Variants in SLC5A12 observed in about 807,000 individuals in gnomAD.
SLC5A12 encodes the protein solute carrier family 5 member 12.
A neutral mutation model predicts 72.7 loss-of-function variants in SLC5A12; 46 were observed. That is an observed-to-expected ratio of 0.63 (90% CI 0.50 to 0.81). The LOEUF is 0.81. Ranked by LOEUF, SLC5A12 falls within the 30% of genes least tolerant of loss-of-function variation. SLC5A12 has a pLI of 0.00. For missense variants in SLC5A12, 683 were observed against 740.7 expected (o/e 0.92, Z 0.90); for synonymous variants, 275 against 264.4 (o/e 1.04, Z -0.39).
intron 12 of SLC5A12, 59 bp downstream of exon 12, chr11:26,680,996 T>G: frequency 7.1e-7 from 1 of 1,413,098 alleles, no homozygotes; most frequent in Non-Finnish European, 9.5e-7. Flanking sequence ...AGAGTGCACC[T>G]CCCTCTTACC....
At chr11:26,681,314 G>A (rs746996273) in intron 11 of SLC5A12, 93 bp from the exon 12 acceptor site, 12 of 1,104,988 alleles carry the variant, frequency 1.1e-5, no homozygotes, top group Non-Finnish European at 1.3e-5. Context: ...TAGAGATTCT[G>A]GCTTTCCATC....
intron 8 of SLC5A12, among the ~76,000 whole-genome samples, chr11:26,693,202 GA>G (rs1415576191): frequency 6.6e-6 from 1 of 152,166 alleles, no homozygotes; most frequent in Non-Finnish European, 1.5e-5. Context: ...ATGTAGTTTG[GA>G]AACTTTTTCC....
At chr11:26,672,256 G>A (rs1029950480) in intron 14 of SLC5A12, among the ~76,000 whole-genome samples, 1 of 151,316 alleles carries the variant, frequency 6.6e-6, no homozygotes, top group Non-Finnish European at 1.5e-5. Context: ...CTGTTTTCTG[G>A]AGATAAGAGC....
At chr11:26,678,571 G>A (rs12278745) in intron 13 of SLC5A12, 141 bp downstream of exon 13, 37,362 of 622,660 alleles carry the variant, frequency 0.06, 1,818 homozygotes, top group African/African-American at 0.19. Context: ...GTATGTCAGC[G>A]TTGAGAGAGT....
At chr11:26,692,361 G>A in intron 9 of SLC5A12, 128 bp downstream of exon 9, 1 of 661,582 alleles carries the variant, frequency 1.5e-6, no homozygotes, top group Non-Finnish European at 2.7e-6. Flanking sequence ...TCTATGTGTG[G>A]GATTCTTCAC....
intron 2 of SLC5A12, among the ~76,000 whole-genome samples, chr11:26,711,780 G>A (rs951268276): frequency 6.6e-6 from 1 of 151,998 alleles, no homozygotes. Context: ...GGAATTTAGA[G>A]GTGAGATAGA....
Position 26,703,894 on chromosome 11 carries a change from A to T in SLC5A12, c.579T>A (p.Ile193=). The T allele has an allele frequency of 6.2e-7, 1 of 1,613,938 alleles. No individual in the cohort carries two copies. Among genetic ancestry groups the T allele is most frequent in the East Asian group, 2.2e-5 (1 of 44,854 alleles). Residue 193 remains isoleucine, a synonymous_variant, in exon 5 of 15, where the codon ATT becomes ATA. Coordinates refer to ENST00000396005, the MANE Select transcript of SLC5A12 (RefSeq NM_178498.4). ...GAATGAGAACCGTTAAGAAGCCCAC[A>T]ATCATGACAACCATCTGAAATGCAT... is the stretch of plus-strand genomic sequence containing the variant. ...WTDAFQMVVM[I]VGFLTVLIQG...
chr11:26,671,120 A>T lies in SLC5A12; in HGVS notation c.1839T>A (p.Phe613Leu), dbSNP rs1220840648. 6 of 1,611,898 alleles carry T rather than the reference A, an allele frequency of 3.7e-6. No individual in the cohort carries two copies. Among genetic ancestry groups the T allele is most frequent in the Non-Finnish European group, 5.1e-6 (6 of 1,178,872 alleles). The change falls in exon 15 of 15, where the codon TTT (phenylalanine) becomes TTA (leucine). Residue 613 changes from phenylalanine to leucine, a missense_variant. Transcript: ENST00000396005. ...PKDKSYNNMAFETTHF is the reference protein window; with the variant it reads ...PKDKSYNNMALETTHF ...TATTGCCTTAGAAATGGGTAGTCTC[A>T]AATGCCATATTGTTGTAGCTTTTGT...
intron 1 of SLC5A12, among the ~76,000 whole-genome samples, chr11:26,716,002 T>C (rs944872674): frequency 6.6e-6 from 1 of 152,166 alleles, no homozygotes; most frequent in Non-Finnish European, 1.5e-5. Flanking sequence ...GTATGCTACA[T>C]AGCAATAGAT....
intron 13 of SLC5A12, among the ~76,000 whole-genome samples, chr11:26,677,869 C>T (rs897281440): frequency 6.6e-6 from 1 of 152,050 alleles, no homozygotes; most frequent in African/African-American, 2.4e-5. Context: ...AATAGAATAC[C>T]TTAAAATTTT....
intron 8 of SLC5A12, among the ~76,000 whole-genome samples, chr11:26,695,286 A>C (rs1438078862): frequency 6.6e-6 from 1 of 152,096 alleles, no homozygotes; most frequent in Non-Finnish European, 1.5e-5. Flanking sequence ...AGAATATAGA[A>C]TGTAATAAAA....
chr11:26,707,991 TAC>T (rs1254010418), intron 4 of SLC5A12, among the ~76,000 whole-genome samples: 1 of 152,004 alleles, frequency 6.6e-6, no homozygotes. Flanking sequence ...TCAGTTTCCC[TAC>T]ATTTTCACTG....
At chr11:26,680,273 T>C in intron 12 of SLC5A12, among the ~76,000 whole-genome samples, 1 of 84,482 alleles carries the variant, frequency 1.2e-5, no homozygotes, top group African/African-American at 3.8e-5. Flanking sequence ...AAGTCACGTG[T>C]AGTGCTACTT....
At chr11:26,723,113 AT>A (rs775049721), upstream of SLC5A12, among the ~76,000 whole-genome samples, 5 of 152,148 alleles carry the variant, frequency 3.3e-5, no homozygotes, top group East Asian at 1.9e-4. Context: ...AATAAAAAAA[AT>A]AATTTTTAGA....
In SLC5A12 at chr11:26,678,713, T is replaced by A; in HGVS notation, c.1578A>T (p.Thr526=). Residue 526 remains threonine (T), a splice_region_variant and synonymous_variant, in exon 13 of 15, where the codon ACA becomes ACT. Transcript: ENST00000396005. ...CCAAAGGGAGGAATTATAACCAACC[T>A]GTTATGAGGCTGATGATTACTCCAG... ...IVAGVIISLI[T]GRQRGEDIQP... 6.2e-7 allele frequency: 1 copy of A among 1,610,280 alleles called. No homozygotes were observed. The highest frequency in any genetic ancestry group is 1.1e-5 in the South Asian group (1 of 90,824).
chr11:26,674,742 C>A (rs1460484872), intron 13 of SLC5A12, among the ~76,000 whole-genome samples: 1 of 152,102 alleles, frequency 6.6e-6, no homozygotes, highest in Non-Finnish European at 1.5e-5. Context: ...GAGGCTTAAG[C>A]AATCTATTCC....
At chr11:26,681,797 C>T (rs1173924957) in intron 11 of SLC5A12, among the ~76,000 whole-genome samples, 1 of 152,034 alleles carries the variant, frequency 6.6e-6, no homozygotes, top group African/African-American at 2.4e-5. Flanking sequence ...GGAGGCAGAA[C>T]AATCTAGCAG....
At chr11:26,677,794 C>T (rs914028785) in intron 13 of SLC5A12, among the ~76,000 whole-genome samples, 1 of 152,098 alleles carries the variant, frequency 6.6e-6, no homozygotes, top group African/African-American at 2.4e-5. Flanking sequence ...GAAATGTTGC[C>T]ATTCAGGTTT....
chr11:26,668,859 T>C lies in SLC5A12; in HGVS notation c.*2243A>G, dbSNP rs1455073912. ...CATTTTGATAACACTCCAGGTAAGATAATTAGGGACTATAAAAGAAGAAAC... is the reference window on the plus strand; with the variant it reads ...CATTTTGATAACACTCCAGGTAAGACAATTAGGGACTATAAAAGAAGAAAC... On this transcript the variant is annotated 3_prime_UTR_variant, in exon 15 of 15. Transcript: ENST00000396005. The C allele has an allele frequency of 6.6e-6, 1 of 151,998 alleles. No homozygotes were observed. The highest frequency in any genetic ancestry group is 1.5e-5 in the Non-Finnish European group (1 of 67,974). The allele number at this position is 151,998 out of a possible 1,614,324, so 9.4% of individuals were successfully genotyped here.
Sources: gnomAD v4.1 joint callset for allele counts (sites outside exome capture counted in the v4.1 genomes callset) on GRCh38, gnomAD v4.1.1 for gene constraint, MANE v1.5 for transcripts, NCBI Gene and HGNC (gene_info 2026-07-23, HGNC 2026-07-21) for gene names.